Variants in SSBP2 observed in about 807,000 individuals in gnomAD.
The protein encoded by SSBP2 is single-stranded DNA-binding protein 2.
SSBP2 carries 17 observed loss-of-function variants against 61.8 expected under a neutral mutation model. The observed-to-expected ratio is 0.28, with a 90% CI of 0.19 to 0.41. The LOEUF is 0.41. Ranked by LOEUF, SSBP2 falls within the 10% of genes least tolerant of loss-of-function variation. The probability of loss-of-function intolerance (pLI) is 1.00; values close to 1 mark genes in which losing one functional copy is unlikely to be tolerated. For synonymous variants in SSBP2, 139 were observed against 141.3 expected (o/e 0.98, Z 0.12); for missense variants, 310 against 458.7 (o/e 0.68, Z 2.96).
intron 1 of SSBP2, among the ~76,000 whole-genome samples, chr5:81,738,175 T>C (rs1756747744): frequency 6.6e-6 from 1 of 152,216 alleles, no homozygotes; most frequent in South Asian, 2.1e-4. Flanking sequence ...GGGTAGCACA[T>C]ATGAAGCTTC....
intron 15 of SSBP2, among the ~76,000 whole-genome samples, chr5:81,429,698 AT>A (rs58047611): frequency 4.0e-5 from 6 of 151,684 alleles, no homozygotes; most frequent in Admixed American, 6.6e-5. Context: ...TAGTTTTTAG[AT>A]TTTTTTTTAA....
intron 2 of SSBP2, among the ~76,000 whole-genome samples, chr5:81,639,636 A>C (rs996624308): frequency 4.6e-5 from 7 of 152,014 alleles, no homozygotes; most frequent in African/African-American, 1.2e-4. Flanking sequence ...AAAAAAAAAA[A>C]CTCTATGCAT....
rs559306269 is a variant in SSBP2 at position 81,599,972 on chromosome 5, A to T, written c.282+15501T>A. On this transcript the variant is annotated intron_variant, in intron 4 of 16. Coordinates refer to ENST00000320672, the MANE Select transcript of SSBP2 (RefSeq NM_012446.5). ...ATTGTAATTACCTGTTGTCTCCCTT[A>T]TTAGAGTCTTCTTAAAGTCTGGACT... Among the ~76,000 whole-genome samples, 13 of 151,030 alleles carry T rather than the reference A, an allele frequency of 8.6e-5. No homozygotes were observed. The South Asian group carries it at 2.7e-3, about 31-fold the overall frequency.
intron 1 of SSBP2, among the ~76,000 whole-genome samples, chr5:81,742,027 G>C (rs1377659185): frequency 6.6e-6 from 1 of 152,122 alleles, no homozygotes; most frequent in African/African-American, 2.4e-5. Flanking sequence ...ATATGGCTCA[G>C]GTCTGCCACA....
chr5:81,523,456 C>T (rs1419753346), intron 4 of SSBP2, among the ~76,000 whole-genome samples: 4 of 151,914 alleles, frequency 2.6e-5, no homozygotes, highest in African/African-American at 7.2e-5. Flanking sequence ...CACATTTGTA[C>T]GTGCATCCCA....
intron 8 of SSBP2, among the ~76,000 whole-genome samples, chr5:81,471,090 C>G (rs1019379558): frequency 6.6e-6 from 1 of 151,704 alleles, no homozygotes; most frequent in South Asian, 2.1e-4. Context: ...GTAGGCATTT[C>G]TTATTTCTGA....
chr5:81,691,248 A>C (rs1252668473), intron 1 of SSBP2, among the ~76,000 whole-genome samples: 2 of 152,132 alleles, frequency 1.3e-5, no homozygotes, highest in African/African-American at 4.8e-5. Context: ...AATTGAAACA[A>C]AGCAATACAA....
chr5:81,627,074 A>T (rs1012366983), intron 3 of SSBP2, among the ~76,000 whole-genome samples: 1 of 152,254 alleles, frequency 6.6e-6, no homozygotes, highest in African/African-American at 2.4e-5. Context: ...TAAAAATATT[A>T]TAGAAAAAGT....
chr5:81,472,102 A>G (rs1370156380), intron 8 of SSBP2, among the ~76,000 whole-genome samples: 1 of 152,186 alleles, frequency 6.6e-6, no homozygotes, highest in East Asian at 1.9e-4. Flanking sequence ...ACTGCTCATA[A>G]TGCTGTTTCT....
intron 4 of SSBP2, among the ~76,000 whole-genome samples, chr5:81,596,841 A>C (rs1266494949): frequency 6.8e-6 from 1 of 147,322 alleles, no homozygotes; most frequent in African/African-American, 2.6e-5. Context: ...AATTAATTCA[A>C]GATGGATTAA....
chr5:81,665,738 C>T (rs1424739018), intron 1 of SSBP2, among the ~76,000 whole-genome samples: 1 of 152,176 alleles, frequency 6.6e-6, no homozygotes. Flanking sequence ...CTCCTGACCT[C>T]AGGTGATCTA....
At chr5:81,671,130 G>C (rs1051693407) in intron 1 of SSBP2, among the ~76,000 whole-genome samples, 1 of 152,128 alleles carries the variant, frequency 6.6e-6, no homozygotes, top group Non-Finnish European at 1.5e-5. Context: ...GAAGTGGGCA[G>C]ATGGTCAAAG....
intron 4 of SSBP2, among the ~76,000 whole-genome samples, chr5:81,607,843 C>A (rs190261240): frequency 6.6e-6 from 1 of 152,278 alleles, no homozygotes. Flanking sequence ...TCACACCAAA[C>A]AAATTAGTTG....
At chr5:81,489,224 A>T (rs1449520427) in intron 6 of SSBP2, 26 bp downstream of exon 6, 2 of 1,587,218 alleles carry the variant, frequency 1.3e-6, no homozygotes, top group Admixed American at 1.7e-5. Flanking sequence ...TTCTTACAAA[A>T]AACTTACATA....
chr5:81,683,753 A>C (rs568620813), intron 1 of SSBP2, among the ~76,000 whole-genome samples: 78 of 152,320 alleles, frequency 5.1e-4, no homozygotes, highest in Non-Finnish European at 8.7e-4. Flanking sequence ...ATAAGCAAAG[A>C]ACTCTTAAAA....
chr5:81,711,841 G>C (rs921085103), intron 1 of SSBP2, among the ~76,000 whole-genome samples: 1 of 151,930 alleles, frequency 6.6e-6, no homozygotes, highest in Non-Finnish European at 1.5e-5. Context: ...TAGCCATGTT[G>C]ACTATGGAAA....
chr5:81,571,212 T>C (rs1380879402), intron 4 of SSBP2, among the ~76,000 whole-genome samples: 3 of 152,236 alleles, frequency 2.0e-5, no homozygotes, highest in African/African-American at 7.2e-5. Flanking sequence ...CATAAATCCA[T>C]AAATCAAACT....
chr5:81,460,300 C>G (rs1274908860), intron 10 of SSBP2, among the ~76,000 whole-genome samples: 1 of 152,162 alleles, frequency 6.6e-6, no homozygotes, highest in Non-Finnish European at 1.5e-5. Flanking sequence ...GACCCGGGAA[C>G]CTTTGTGCAG....
chr5:81,532,083 G>T (rs547790013), intron 4 of SSBP2, among the ~76,000 whole-genome samples: 1 of 152,174 alleles, frequency 6.6e-6, no homozygotes, highest in East Asian at 1.9e-4. Context: ...GTTATCAACT[G>T]ATCAGTGAAG....
Sources: allele counts gnomAD v4.1 joint callset (sites outside exome capture counted in the v4.1 genomes callset), GRCh38; gene constraint gnomAD v4.1.1; transcripts MANE v1.5; gene names NCBI Gene and HGNC (gene_info 2026-07-23, HGNC 2026-07-21).